Variants in RAB33B observed in about 807,000 individuals in gnomAD.
RAB33B encodes RAB33B, member RAS oncogene family, also known as ras-related protein Rab-33B.
Under a neutral mutation model 15.0 loss-of-function variants are expected in RAB33B, and 6 were observed. That is an observed-to-expected ratio of 0.40 (90% CI 0.22 to 0.79). The LOEUF is 0.79. RAB33B is among the 30% of genes least tolerant of loss of function. RAB33B has a pLI of 0.37. For synonymous variants in RAB33B, 117 were observed against 108.3 expected, an observed-to-expected ratio of 1.08 and a Z score of -0.50; for missense variants, 257 against 296.4, an observed-to-expected ratio of 0.87 and a Z score of 0.98.
In RAB33B at chr4:139,473,973, C is replaced by T. The variant is rs575694962; in HGVS notation, c.*847C>T. 6 of 140,848 alleles carry T rather than the reference C, an allele frequency of 4.3e-5. No individual in the cohort carries two copies. The highest frequency in any genetic ancestry group is 4.2e-4 in the East Asian group (2 of 4,796). 8.7% of individuals were successfully genotyped at this position (140,848 alleles called of 1,614,324 possible). A position where few individuals can be genotyped will look rare whatever the true frequency, so the allele number is the denominator to read the frequency against. ...AGGCTGGAGTGCAGTGGCGTCATCT[C>T]GGCTCACTGCAACCTCCGCCTCCCA... On this transcript the variant is annotated 3_prime_UTR_variant, in exon 2 of 2. Coordinates refer to ENST00000305626, the MANE Select transcript of RAB33B (RefSeq NM_031296.3).
At chr4:139,465,342 C>T (rs1265395383) in intron 1 of RAB33B, among the ~76,000 whole-genome samples, 1 of 152,170 alleles carries the variant, frequency 6.6e-6, no homozygotes, top group African/African-American at 2.4e-5. Context: ...TGTAGGTTGC[C>T]TGTTCACTCT....
chr4:139,467,973 T>C (rs1327272975), intron 1 of RAB33B, among the ~76,000 whole-genome samples: 5 of 151,390 alleles, frequency 3.3e-5, no homozygotes, highest in Non-Finnish European at 5.9e-5. Context: ...TTTTTTTTTT[T>C]TTGTACCCGT....
At chr4:139,440,698 C>T in the RAB33B span, among the ~76,000 whole-genome samples, 6 of 151,982 alleles carry the variant, frequency 3.9e-5, no homozygotes, top group Admixed American at 2.0e-4. Flanking sequence ...CTGCAACCTC[C>T]GTCTCCCAGA....
At chr4:139,463,052 G>C (rs921505729) in intron 1 of RAB33B, among the ~76,000 whole-genome samples, 10 of 152,188 alleles carry the variant, frequency 6.6e-5, no homozygotes, top group Admixed American at 2.0e-4. Flanking sequence ...TGTAGTCGCA[G>C]CTACTCAGGA....
In RAB33B at chr4:139,475,115, A is replaced by T. The variant is rs1179580885; in HGVS notation, c.*1989A>T. The T allele has an allele frequency of 6.6e-6, 1 of 152,092 alleles. No homozygotes were observed. Among genetic ancestry groups the T allele is most frequent in the Admixed American group, 6.5e-5 (1 of 15,280 alleles). The allele number at this position is 152,092 out of a possible 1,614,324, so 9.4% of individuals were successfully genotyped here. A position where few individuals can be genotyped will look rare whatever the true frequency, so the allele number is the denominator to read the frequency against. On this transcript the variant is annotated 3_prime_UTR_variant, in exon 2 of 2. Coordinates refer to ENST00000305626, the MANE Select transcript of RAB33B (RefSeq NM_031296.3). ...GCATTTAGGGAGATCATGTTTTCTT[A>T]ATCATGCTGGAATTTAAAAATTGTT...
rs1750418856 is a variant in RAB33B at position 139,472,954 on chromosome 4, CTTTG to C, written c.523_526del (p.Phe175LysfsTer18). On this transcript the variant is annotated frameshift_variant, in exon 2 of 2. Transcript: ENST00000305626. LOFTEE classifies it high-confidence loss of function. ...AAATTTGCTGACACACACAGTATGC[CTTTG>C]TTTGAAACGTCTGCTAAAAACCCCA... The C allele has an allele frequency of 6.2e-7, 1 of 1,614,010 alleles. No individual in the cohort carries two copies. The highest frequency in any genetic ancestry group is 8.5e-7 in the Non-Finnish European group (1 of 1,180,034).
At chr4:139,468,060 G>A (rs770532092) in intron 1 of RAB33B, among the ~76,000 whole-genome samples, 13 of 147,722 alleles carry the variant, frequency 8.8e-5, no homozygotes, top group African/African-American at 2.5e-4. Context: ...AACTCTCTAC[G>A]TCCATGAGGT....
intron 1 of RAB33B, among the ~76,000 whole-genome samples, chr4:139,464,183 A>G (rs1272512305): frequency 2.0e-5 from 3 of 152,120 alleles, no homozygotes; most frequent in Non-Finnish European, 4.4e-5. Context: ...CAGGAGGCTG[A>G]GGCAGGAAGA....
upstream of RAB33B, chr4:139,452,271 C>G (rs1222505939): frequency 6.6e-6 from 1 of 152,152 alleles, no homozygotes; most frequent in Non-Finnish European, 1.5e-5. Flanking sequence ...AATCATGAAA[C>G]AGCAAAAACA....
intron 1 of RAB33B, among the ~76,000 whole-genome samples, chr4:139,471,177 G>A (rs111521014): frequency 2.0e-5 from 3 of 152,162 alleles, no homozygotes; most frequent in African/African-American, 7.2e-5. Context: ...GAGACACAGA[G>A]GGCAAGGTTT....
intron 1 of RAB33B, among the ~76,000 whole-genome samples, chr4:139,467,306 C>T (rs1462881222): frequency 3.5e-5 from 3 of 86,878 alleles, no homozygotes; most frequent in Admixed American, 1.6e-4. Context: ...CGCCCCCCGC[C>T]GCTTTTTTTT....
intron 1 of RAB33B, among the ~76,000 whole-genome samples, chr4:139,458,222 G>C (rs1750107036): frequency 1.3e-5 from 2 of 152,048 alleles, no homozygotes; most frequent in South Asian, 4.1e-4. Context: ...GAGGTTCAAG[G>C]GTACAGAGCA....
At chr4:139,441,085 A>G in the RAB33B span, among the ~76,000 whole-genome samples, 1 of 152,204 alleles carries the variant, frequency 6.6e-6, no homozygotes, top group South Asian at 2.1e-4. Flanking sequence ...TCTAAGACAG[A>G]TGGCTCACTG....
At chr4:139,469,172 T>C (rs555315173) in intron 1 of RAB33B, among the ~76,000 whole-genome samples, 23 of 152,320 alleles carry the variant, frequency 1.5e-4, no homozygotes, top group African/African-American at 5.5e-4. Flanking sequence ...TTCTCTACCT[T>C]CTCTTTAAAG....
chr4:139,441,192 T>C, the RAB33B span, among the ~76,000 whole-genome samples: 1 of 151,938 alleles, frequency 6.6e-6, no homozygotes, highest in East Asian at 1.9e-4. Flanking sequence ...CATGCAAGAC[T>C]TCTTAAAGGT....
intron 1 of RAB33B, among the ~76,000 whole-genome samples, chr4:139,465,071 G>A (rs1429127251): frequency 6.6e-6 from 1 of 152,260 alleles, no homozygotes; most frequent in African/African-American, 2.4e-5. Context: ...ACTTTTTAGT[G>A]ATCGCCATTC....
At position 139,454,399 on chromosome 4, in the gene RAB33B, G is replaced by T; in HGVS notation, c.204G>T (p.Val68=). The change falls in exon 1 of 2, where the codon GTG becomes GTT. Residue 68 remains valine, a synonymous_variant. Coordinates refer to ENST00000305626, the MANE Select transcript of RAB33B (RefSeq NM_031296.3). ...ACCGCACCGAGGCCACGATAGGGGT[G>T]GATTTCCGAGAACGAGCGGTGGAGA... ...FPDRTEATIG[V]DFRERAVEID... is the part of the protein sequence containing the mutation. 6.2e-7 allele frequency: 1 copy of T among 1,613,090 alleles called. No individual in the cohort carries two copies. The highest frequency in any genetic ancestry group is 2.2e-5 in the East Asian group (1 of 44,874).
Position 139,473,265 on chromosome 4 carries a change from T to C in RAB33B, c.*139T>C, listed in dbSNP as rs145356283. On this transcript the variant is annotated 3_prime_UTR_variant, in exon 2 of 2. Transcript: ENST00000305626. Reference sequence around the variant, plus strand: ...TGTTTGTCATTGTCACGCTTTTGTATTTTGTATCTACTTAAGTTTGTCACT... The same window carrying C: ...TGTTTGTCATTGTCACGCTTTTGTACTTTGTATCTACTTAAGTTTGTCACT... 2.4e-6 allele frequency: 2 copies of C among 816,710 alleles called. No individual in the cohort carries two copies. Among genetic ancestry groups the C allele is most frequent in the Non-Finnish European group, 3.7e-6 (2 of 543,134 alleles). 50.6% of individuals were successfully genotyped at this position (816,710 alleles called of 1,614,324 possible).
At chr4:139,450,072 G>T (rs1011512516), upstream of RAB33B, 38 of 152,284 alleles carry the variant, frequency 2.5e-4, no homozygotes, top group Admixed American at 2.3e-3. Context: ...TGCTTCTGCA[G>T]ATAAAGTATA....
Sources: gnomAD v4.1 joint callset for allele counts (sites outside exome capture counted in the v4.1 genomes callset) on GRCh38, gnomAD v4.1.1 for gene constraint, MANE v1.5 for transcripts, NCBI Gene and HGNC (gene_info 2026-07-23, HGNC 2026-07-21) for gene names.